SCGN: variants seen among roughly 807,000 people sequenced by gnomAD.
SCGN encodes the protein secretagogin, EF-hand calcium binding protein, also known as secretagogin.
In SCGN, 30 loss-of-function variants were observed where a neutral mutation model predicts 39.7. The ratio of observed to expected loss-of-function variants is 0.76; its 90% confidence interval spans 0.57 to 1.03. The LOEUF (loss-of-function observed/expected upper bound fraction) is 1.03. Among genes scored for constraint, SCGN ranks in the 50% least tolerant of loss-of-function variants. SCGN has a pLI of 0.00. For synonymous variants in SCGN, 106 were observed against 114.1 expected (o/e 0.93, Z 0.45); for missense variants, 353 against 349.4 (o/e 1.01, Z -0.08).
chr6:25,688,487 TCATTGTTCTAACCAA>T (rs1352176145), intron 7 of SCGN, among the ~76,000 whole-genome samples: 11 of 152,170 alleles, frequency 7.2e-5, no homozygotes, highest in Admixed American at 1.3e-4. Flanking sequence ...GCTACGACAG[TCATTGTTCTAACCAA>T]GATTCAGCTG....
chr6:25,681,295 G>C (rs1759634145), intron 6 of SCGN, among the ~76,000 whole-genome samples: 1 of 152,186 alleles, frequency 6.6e-6, no homozygotes, highest in African/African-American at 2.4e-5. Context: ...TACCCTATGA[G>C]AGTACCCTAT....
rs6928384 is a variant in SCGN at position 25,701,463 on chromosome 6, C to G, written c.*128C>G. 1,241,605 of 1,249,206 alleles carry G rather than the reference C, an allele frequency of 0.99. 617,216 individuals are homozygous for G. The highest frequency in any genetic ancestry group is 1 in the East Asian group (40,748 of 40,748). 77.4% of individuals were successfully genotyped at this position (1,249,206 alleles called of 1,614,324 possible). A position where few individuals can be genotyped will look rare whatever the true frequency, so the allele number is the denominator to read the frequency against. On this transcript the variant is annotated 3_prime_UTR_variant, in exon 11 of 11. Coordinates refer to ENST00000377961, the MANE Select transcript of SCGN (RefSeq NM_006998.4). ...ATGGTGTGCTATTCTTGGGCAAGAA[C>G]AGGGACGCTAGGGCCTTCCTTCCAC... is the stretch of plus-strand genomic sequence containing the variant.
At chr6:25,657,666 T>A (rs1271755088) in intron 2 of SCGN, among the ~76,000 whole-genome samples, 2 of 149,028 alleles carry the variant, frequency 1.3e-5, no homozygotes, top group Non-Finnish European at 3.0e-5. Context: ...TATATATATA[T>A]AATATATATA....
chr6:25,665,080 C>A, intron 4 of SCGN, 48 bp downstream of exon 4: 1 of 1,445,832 alleles, frequency 6.9e-7, no homozygotes, highest in Non-Finnish European at 9.7e-7. Context: ...TGAGACAAGG[C>A]TACGATCTTA....
intron 4 of SCGN, among the ~76,000 whole-genome samples, chr6:25,667,087 G>A (rs535839606): frequency 2.6e-4 from 39 of 152,106 alleles, no homozygotes; most frequent in Middle Eastern, 3.4e-3. Context: ...CAGGATAGGA[G>A]TTTCTGGAGA....
At chr6:25,676,394 C>T (rs1208220790) in intron 6 of SCGN, among the ~76,000 whole-genome samples, 3 of 152,168 alleles carry the variant, frequency 2.0e-5, no homozygotes, top group Admixed American at 2.0e-4. Flanking sequence ...GCTCACACAC[C>T]AAGTCATCAC....
chr6:25,674,752 A>G (rs1308104337), intron 6 of SCGN, among the ~76,000 whole-genome samples: 1 of 152,242 alleles, frequency 6.6e-6, no homozygotes, highest in Non-Finnish European at 1.5e-5. Context: ...AGGTCTGCAC[A>G]CCTTGCCTTA....
intron 7 of SCGN, 65 bp downstream of exon 7, chr6:25,682,071 A>G (rs1759644188): frequency 2.4e-6 from 3 of 1,261,686 alleles, no homozygotes; most frequent in South Asian, 1.2e-5. Context: ...ATGACATCAT[A>G]TATTTCCTTT....
intron 1 of SCGN, among the ~76,000 whole-genome samples, chr6:25,652,782 T>A (rs1760157088): frequency 6.6e-6 from 1 of 152,124 alleles, no homozygotes; most frequent in African/African-American, 2.4e-5. Flanking sequence ...CAATGACTAA[T>A]ATCATTGTAT....
At position 25,669,571 on chromosome 6, in the gene SCGN, A is replaced by T; in HGVS notation, c.393+4A>T. 6.2e-7 allele frequency: 1 copy of T among 1,611,944 alleles called. No homozygotes were observed. The highest frequency in any genetic ancestry group is 8.5e-7 in the Non-Finnish European group (1 of 1,178,032). Reference sequence around the variant, plus strand: ...TATATCAGCTGCTGAGCTCCGCGTGAGTGTCACTGGGTGAAGGGTGGGTTT... The same window carrying T: ...TATATCAGCTGCTGAGCTCCGCGTGTGTGTCACTGGGTGAAGGGTGGGTTT... On this transcript the variant is annotated splice_donor_region_variant and intron_variant, in intron 5 of 10. Coordinates refer to ENST00000377961, the MANE Select transcript of SCGN (RefSeq NM_006998.4).
At chr6:25,660,028 A>G (rs953557753) in intron 2 of SCGN, among the ~76,000 whole-genome samples, 5 of 152,204 alleles carry the variant, frequency 3.3e-5, no homozygotes, top group African/African-American at 9.6e-5. Flanking sequence ...GCACAAAAGA[A>G]AAAAACAAGG....
At chr6:25,677,362 C>T (rs1159307236) in intron 6 of SCGN, among the ~76,000 whole-genome samples, 1 of 152,096 alleles carries the variant, frequency 6.6e-6, no homozygotes, top group Non-Finnish European at 1.5e-5. Flanking sequence ...TCATGTACCA[C>T]CTTAATAATT....
chr6:25,657,027 G>C (rs1001756169), intron 2 of SCGN, among the ~76,000 whole-genome samples: 1 of 152,122 alleles, frequency 6.6e-6, no homozygotes, highest in Non-Finnish European at 1.5e-5. Flanking sequence ...AGTGAAGTTC[G>C]ACCCTGTTGA....
rs1759485789 is a variant in SCGN, at chr6:25,670,627, TG to T, written c.471+552del. On this transcript the variant is annotated intron_variant, in intron 6 of 10. Coordinates refer to ENST00000377961, the MANE Select transcript of SCGN (RefSeq NM_006998.4). ...AACACCTAATTCCTGTGAGGGAAAA[TG>T]TGTTAATGCATATGAAGCACTTGCA... Among the ~76,000 whole-genome samples, 3 of 152,324 alleles carry T rather than the reference TG, an allele frequency of 2.0e-5. No individual in the cohort carries two copies. In the East Asian group the frequency reaches 5.8e-4, roughly 29 times the overall value.
At chr6:25,655,070 T>A (rs1760203927) in intron 2 of SCGN, among the ~76,000 whole-genome samples, 1 of 152,216 alleles carries the variant, frequency 6.6e-6, no homozygotes, top group African/African-American at 2.4e-5. Context: ...TCTACTTATA[T>A]CTGTAAATGT....
intron 2 of SCGN, among the ~76,000 whole-genome samples, chr6:25,657,712 C>CAT (rs1222255599): frequency 6.7e-6 from 1 of 148,324 alleles, no homozygotes; most frequent in Non-Finnish European, 1.5e-5. Flanking sequence ...TGTGTGTGTG[C>CAT]ATATATATAT....
chr6:25,662,895 A>G lies in SCGN; in HGVS notation c.246+1251A>G, dbSNP rs73733724. ...ATGTTCACTGTTGTAATTTTCCAGAACCTGGAACAGAGCATAGCACATAGT... is the reference window on the plus strand; with the variant it reads ...ATGTTCACTGTTGTAATTTTCCAGAGCCTGGAACAGAGCATAGCACATAGT... On this transcript the variant is annotated intron_variant, in intron 3 of 10. Transcript: ENST00000377961. Among the ~76,000 whole-genome samples the G allele has an allele frequency of 8.5e-3, 1,302 of 152,344 alleles. 19 individuals carry two copies. The highest frequency in any genetic ancestry group is 0.028 in the African/African-American group (1,177 of 41,588).
intron 2 of SCGN, among the ~76,000 whole-genome samples, chr6:25,660,477 C>T (rs1425226389): frequency 6.6e-6 from 1 of 152,156 alleles, no homozygotes; most frequent in Non-Finnish European, 1.5e-5. Context: ...GGGTTTTATA[C>T]CTGAAAGCAA....
rs534122646 is a variant in SCGN at position 25,671,633 on chromosome 6, A to G, written c.471+1557A>G. Among the ~76,000 whole-genome samples the G allele has an allele frequency of 2.3e-3, 352 of 152,356 alleles. 2 individuals are homozygous for G. The highest frequency in any genetic ancestry group is 2.8e-3 in the Non-Finnish European group (193 of 68,032). On this transcript the variant is annotated intron_variant, in intron 6 of 10. Transcript: ENST00000377961. Reference sequence around the variant, plus strand: ...GGAAATCCTGAGTAAATATGTGCTCAGCACCAAAGGTCGAAGTGGGAAATC... The same window carrying G: ...GGAAATCCTGAGTAAATATGTGCTCGGCACCAAAGGTCGAAGTGGGAAATC...
Sources: gnomAD v4.1 joint callset for allele counts (sites outside exome capture counted in the v4.1 genomes callset) on GRCh38, gnomAD v4.1.1 for gene constraint, MANE v1.5 for transcripts, NCBI Gene and HGNC (gene_info 2026-07-23, HGNC 2026-07-21) for gene names.